The following TMEM120B variants were observed in gnomAD, a reference collection of about 807,000 sequenced individuals.
The protein encoded by TMEM120B is transmembrane protein 120B.
In TMEM120B, 31 loss-of-function variants were observed where a neutral mutation model predicts 55.5. The ratio of observed to expected loss-of-function variants is 0.56; its 90% CI spans 0.42 to 0.75. TMEM120B has a LOEUF of 0.75. Among genes scored for constraint, TMEM120B ranks in the 30% least tolerant of loss-of-function variants. The pLI, the probability that TMEM120B is intolerant of heterozygous loss-of-function variation, is 0.00. For missense variants in TMEM120B, 399 were observed against 425.5 expected, an observed-to-expected ratio of 0.94 and a Z score of 0.55; for synonymous variants, 203 against 176.3, an observed-to-expected ratio of 1.15 and a Z score of -1.20.
In TMEM120B at chr12:121,773,488, G is replaced by A; in HGVS notation, c.747G>A (p.Glu249=). Residue 249 remains glutamate, a synonymous_variant, in exon 9 of 12, where the codon GAG becomes GAA. Coordinates refer to ENST00000449592, the MANE Select transcript of TMEM120B (RefSeq NM_001080825.2). ...TCTACCGGCTGCGGGCCCTGGGGGA[G>A]AGGAACCACCTGGATCTCACAGTGG... The part of the protein sequence containing the change: ...GCLYRLRALG[E]RNHLDLTVEG... The A allele has an allele frequency of 3.7e-6, 6 of 1,605,646 alleles. No homozygotes were observed. Among genetic ancestry groups the A allele is most frequent in the Non-Finnish European group, 4.3e-6 (5 of 1,175,546 alleles).
intron 1 of TMEM120B, among the ~76,000 whole-genome samples, chr12:121,731,056 CCAGGGG>C (rs1028081078): frequency 1.3e-5 from 2 of 151,822 alleles, no homozygotes; most frequent in Admixed American, 1.3e-4. Context: ...ATAGTGATTG[CCAGGGG>C]CTGAGGGGAA....
At chr12:121,749,147 G>C (rs527683858) in intron 3 of TMEM120B, among the ~76,000 whole-genome samples, 1 of 152,176 alleles carries the variant, frequency 6.6e-6, no homozygotes, top group African/African-American at 2.4e-5. Flanking sequence ...GGCCTGTAGC[G>C]GGTGGGAGGG....
intron 1 of TMEM120B, among the ~76,000 whole-genome samples, chr12:121,730,705 C>T (rs1177973455): frequency 1.3e-5 from 2 of 149,528 alleles, no homozygotes; most frequent in Admixed American, 1.3e-4. Flanking sequence ...CACCTGTAAT[C>T]CCAGCAGTTT....
intron 1 of TMEM120B, among the ~76,000 whole-genome samples, chr12:121,727,196 A>AT (rs1489154010): frequency 6.6e-6 from 1 of 151,986 alleles, no homozygotes; most frequent in Non-Finnish European, 1.5e-5. Context: ...TCCTGGCTTG[A>AT]TGAAGGAATC....
In TMEM120B at chr12:121,741,751, G is replaced by C. The variant is rs535191459; in HGVS notation, c.70-1878G>C. Among the ~76,000 whole-genome samples, 32 of 152,202 alleles carry C rather than the reference G, an allele frequency of 2.1e-4. No individual in the cohort carries two copies. In the South Asian group the frequency reaches 6.6e-3, roughly 32 times the overall value. ...GGGTTCAAGCAATTCTCATGCCTTAGCCTCCCGAGTAGCTGGGATTACAGG... is the reference window on the plus strand; with the variant it reads ...GGGTTCAAGCAATTCTCATGCCTTACCCTCCCGAGTAGCTGGGATTACAGG... On this transcript the variant is annotated intron_variant, in intron 1 of 11. Transcript: ENST00000449592.
At chr12:121,725,369 C>T (rs549981851) in intron 1 of TMEM120B, among the ~76,000 whole-genome samples, 4 of 152,234 alleles carry the variant, frequency 2.6e-5, no homozygotes, top group Non-Finnish European at 5.9e-5. Flanking sequence ...GAGGGTCTCC[C>T]GTGTTCTAAT....
chr12:121,715,026 A>G (rs1330535158), intron 1 of TMEM120B, among the ~76,000 whole-genome samples: 1 of 151,942 alleles, frequency 6.6e-6, no homozygotes, highest in African/African-American at 2.4e-5. Flanking sequence ...AAGGAGGAGG[A>G]GGGGGAAGAG....
At position 121,778,891 on chromosome 12, in the gene TMEM120B, CT is replaced by C. The variant is rs1309192319; in HGVS notation, c.*3170del. 1 of 152,904 alleles carries C rather than the reference CT, an allele frequency of 6.5e-6. No homozygotes were observed. Among genetic ancestry groups the C allele is most frequent in the Non-Finnish European group, 1.5e-5 (1 of 68,570 alleles). The allele number at this position is 152,904 out of a possible 1,614,324, so 9.5% of individuals were successfully genotyped here. ...ACTGAGAAGCCATTTTTTCTGCCCC[CT>C]GGGCACATGTGCCCAGCTCTGCAAA... On this transcript the variant is annotated 3_prime_UTR_variant, in exon 12 of 12. Transcript: ENST00000449592.
intron 3 of TMEM120B, among the ~76,000 whole-genome samples, chr12:121,748,749 G>C (rs915631847): frequency 6.6e-6 from 1 of 152,176 alleles, no homozygotes; most frequent in Non-Finnish European, 1.5e-5. Context: ...CATGCATTGC[G>C]TGCCTCCTGC....
chr12:121,752,569 A>G (rs925979124), intron 5 of TMEM120B, among the ~76,000 whole-genome samples: 6 of 151,976 alleles, frequency 3.9e-5, no homozygotes, highest in African/African-American at 1.5e-4. Flanking sequence ...CCTGGCCAAC[A>G]TGGTGAAACC....
At chr12:121,728,115 C>G (rs1362470779) in intron 1 of TMEM120B, among the ~76,000 whole-genome samples, 1 of 151,584 alleles carries the variant, frequency 6.6e-6, no homozygotes, top group African/African-American at 2.4e-5. Context: ...TCAAGTGATT[C>G]TCCGGCCTCA....
At chr12:121,736,358 C>CG (rs1240393874) in intron 1 of TMEM120B, among the ~76,000 whole-genome samples, 2 of 145,778 alleles carry the variant, frequency 1.4e-5, no homozygotes, top group South Asian at 2.2e-4. Context: ...TTAGTAGAGA[C>CG]GGGGTTTTAC....
At position 121,780,965 on chromosome 12, in the gene TMEM120B, C is replaced by T; in HGVS notation, c.*5243C>T. 1 of 1,614,094 alleles carries T rather than the reference C, an allele frequency of 6.2e-7. No homozygotes were observed. The highest frequency in any genetic ancestry group is 1.1e-5 in the South Asian group (1 of 91,076). On this transcript the variant is annotated 3_prime_UTR_variant, in exon 12 of 12. Transcript: ENST00000449592. ...GGTCTGTCTTGCAGCCGATGAGCAC[C>T]ATGGGGATCCCGCGGCAGAAATGCG...
intron 2 of TMEM120B, 92 bp downstream of exon 2, chr12:121,743,839 G>A (rs1873005657): frequency 1.1e-6 from 1 of 944,036 alleles, no homozygotes; most frequent in Non-Finnish European, 1.7e-6. Flanking sequence ...AAATCTCAGT[G>A]GAAAAAGACA....
Position 121,777,165 on chromosome 12 carries a change from T to C in TMEM120B, c.*1443T>C, listed in dbSNP as rs1480605039. 1 of 152,072 alleles carries C rather than the reference T, an allele frequency of 6.6e-6. No homozygotes were observed. Among genetic ancestry groups the C allele is most frequent in the Non-Finnish European group, 1.5e-5 (1 of 68,046 alleles). 9.4% of individuals were successfully genotyped at this position (152,072 alleles called of 1,614,324 possible). On this transcript the variant is annotated 3_prime_UTR_variant, in exon 12 of 12. Transcript: ENST00000449592. ...TTTTGTATTTTTAGTAGAGACAGGGTTTCACCATGTTTGCCAGGATAGTCT... is the reference window on the plus strand; with the variant it reads ...TTTTGTATTTTTAGTAGAGACAGGGCTTCACCATGTTTGCCAGGATAGTCT...
At chr12:121,770,025 G>A (rs142788577) in intron 6 of TMEM120B, among the ~76,000 whole-genome samples, 33 of 152,292 alleles carry the variant, frequency 2.2e-4, no homozygotes, top group African/African-American at 7.5e-4. Context: ...GCACTTGGAC[G>A]AGGAGCCAGG....
At chr12:121,761,627 CG>C in intron 5 of TMEM120B, 21 bp from the exon 6 acceptor site, 1 of 1,603,768 alleles carries the variant, frequency 6.2e-7, no homozygotes, top group Non-Finnish European at 8.5e-7. Flanking sequence ...GCACCCCTCC[CG>C]GGGGCTGTTT....
intron 1 of TMEM120B, among the ~76,000 whole-genome samples, chr12:121,731,716 A>ATGAC (rs1427040518): frequency 6.6e-6 from 1 of 152,236 alleles, no homozygotes; most frequent in East Asian, 1.9e-4. Flanking sequence ...TAAGCGACAC[A>ATGAC]TGACTGTACC....
chr12:121,719,659 T>G (rs1309245254), intron 1 of TMEM120B, among the ~76,000 whole-genome samples: 2 of 152,072 alleles, frequency 1.3e-5, no homozygotes, highest in African/African-American at 4.8e-5. Context: ...GGGGGTAGTT[T>G]AAGGGGGTGG....
Sources: gnomAD v4.1 joint callset for allele counts (sites outside exome capture counted in the v4.1 genomes callset) on GRCh38, gnomAD v4.1.1 for gene constraint, MANE v1.5 for transcripts, NCBI Gene and HGNC (gene_info 2026-07-23, HGNC 2026-07-21) for gene names.